Variants in PCBP3 observed in about 807,000 individuals in gnomAD.
PCBP3 encodes poly(rC) binding protein 3.
A neutral mutation model predicts 52.7 loss-of-function variants in PCBP3; 25 were observed. That is an observed-to-expected ratio of 0.47 (90% CI 0.35 to 0.66). PCBP3 has a LOEUF of 0.66. PCBP3 is among the 30% of genes least tolerant of loss of function. The pLI is 0.01. For missense variants in PCBP3, 391 were observed against 490.3 expected, an observed-to-expected ratio of 0.80 and a Z score of 1.91; for synonymous variants, 162 against 183.0, an observed-to-expected ratio of 0.89 and a Z score of 0.93.
At chr21:45,711,912 C>A (rs919554582) in intron 2 of PCBP3, among the ~76,000 whole-genome samples, 1 of 152,108 alleles carries the variant, frequency 6.6e-6, no homozygotes. Context: ...ACCTAAAAAT[C>A]CCCTGTGCTT....
chr21:45,785,667 CAGT>C lies in PCBP3; in HGVS notation c.-126+30216_-126+30218del, dbSNP rs1363475959. On this transcript the variant is annotated intron_variant, in intron 4 of 17. Coordinates refer to ENST00000681687, the MANE Select transcript of PCBP3 (RefSeq NM_001384156.1). ...GCTCATTGAGAATGGGCCATGATGA[CAGT>C]GGTGGTTTTGTGGAATAGAAAAGGG... Among the ~76,000 whole-genome samples, 6 of 152,306 alleles carry C rather than the reference CAGT, an allele frequency of 3.9e-5. No homozygotes were observed. The East Asian group carries it at 9.6e-4, about 24-fold the overall frequency.
intron 6 of PCBP3, among the ~76,000 whole-genome samples, chr21:45,897,896 C>A (rs1365177889): frequency 1.3e-5 from 2 of 152,186 alleles, no homozygotes; most frequent in African/African-American, 4.8e-5. Context: ...TCCCCCAGTT[C>A]TTCCTGCCTC....
chr21:45,783,052 T>C (rs2090764724), intron 4 of PCBP3, among the ~76,000 whole-genome samples: 1 of 152,236 alleles, frequency 6.6e-6, no homozygotes, highest in Non-Finnish European at 1.5e-5. Flanking sequence ...CCATAATTGC[T>C]CTTCAAAAGC....
At chr21:45,743,345 G>T (rs1354724249) in intron 3 of PCBP3, among the ~76,000 whole-genome samples, 1 of 152,142 alleles carries the variant, frequency 6.6e-6, no homozygotes, top group Non-Finnish European at 1.5e-5. Flanking sequence ...TATGCTCCCT[G>T]TAGCTCTCTG....
chr21:45,793,692 G>A (rs945630652), intron 4 of PCBP3, among the ~76,000 whole-genome samples: 3 of 152,180 alleles, frequency 2.0e-5, no homozygotes, highest in African/African-American at 7.2e-5. Flanking sequence ...GACGGGAGGC[G>A]ATAGCCCCTG....
At chr21:45,774,803 G>A (rs1028492093) in intron 4 of PCBP3, among the ~76,000 whole-genome samples, 35 of 152,162 alleles carry the variant, frequency 2.3e-4, no homozygotes, top group African/African-American at 7.2e-4. Flanking sequence ...TCTGTTATGT[G>A]ATATATCATG....
In PCBP3 at chr21:45,940,088, C is replaced by A. The variant is rs2077297530; in HGVS notation, c.968C>A (p.Ser323Tyr). 6.2e-7 allele frequency: 1 copy of A among 1,614,046 alleles called. No individual in the cohort carries two copies. The highest frequency in any genetic ancestry group is 1.3e-5 in the African/African-American group (1 of 74,950). The stretch of plus-strand genomic sequence containing the variant: ...AAAATCAATGAAATTCGACAGATGT[C>A]TGGAGCTCAGATCAAAATCGCCAAC... ...GTKINEIRQM[S>Y]GAQIKIANAT... is the part of the protein sequence containing the mutation. Residue 323 changes from serine (S) to tyrosine (Y), a missense_variant, in exon 17 of 18, where the codon TCT becomes TAT. Coordinates refer to ENST00000681687, the MANE Select transcript of PCBP3 (RefSeq NM_001384156.1).
At chr21:45,667,184 T>A (rs1210267724) in intron 1 of PCBP3, among the ~76,000 whole-genome samples, 1 of 151,948 alleles carries the variant, frequency 6.6e-6, no homozygotes, top group African/African-American at 2.4e-5. Flanking sequence ...ATTCATTCCA[T>A]TTTTGTAGAG....
intron 2 of PCBP3, among the ~76,000 whole-genome samples, chr21:45,702,338 G>T (rs1323952708): frequency 1.3e-5 from 2 of 152,082 alleles, no homozygotes; most frequent in South Asian, 4.2e-4. Context: ...ACACATTTCT[G>T]TATACAGTGT....
At chr21:45,819,084 T>C (rs1421691377) in intron 4 of PCBP3, among the ~76,000 whole-genome samples, 1 of 152,162 alleles carries the variant, frequency 6.6e-6, no homozygotes, top group Non-Finnish European at 1.5e-5. Flanking sequence ...TAATGGTGGA[T>C]GCGTGTCATT....
chr21:45,661,317 C>G (rs1424910898), intron 1 of PCBP3, among the ~76,000 whole-genome samples: 3 of 152,110 alleles, frequency 2.0e-5, no homozygotes, highest in Non-Finnish European at 4.4e-5. Flanking sequence ...ACCCTCCCAC[C>G]TTTCCAAATA....
chr21:45,841,410 G>GGA (rs1569296435), intron 4 of PCBP3, among the ~76,000 whole-genome samples: 2 of 150,216 alleles, frequency 1.3e-5, no homozygotes. Flanking sequence ...TTTCATTTCT[G>GGA]AAAAAAAAAA....
At chr21:45,766,216 A>G (rs2089304309) in intron 4 of PCBP3, among the ~76,000 whole-genome samples, 1 of 152,128 alleles carries the variant, frequency 6.6e-6, no homozygotes, top group Non-Finnish European at 1.5e-5. Context: ...CCACGCTTTG[A>G]TGTGTTGCTG....
At chr21:45,839,979 G>A (rs370317876) in intron 4 of PCBP3, among the ~76,000 whole-genome samples, 1 of 151,588 alleles carries the variant, frequency 6.6e-6, no homozygotes, top group Non-Finnish European at 1.5e-5. Context: ...GAGCCACCAC[G>A]CCTACCCCTG....
In PCBP3 at chr21:45,784,415, G is replaced by A. The variant is rs992724165; in HGVS notation, c.-126+28963G>A. ...CTCTACCGCTACCTCTACCGCTACCGCTACCCCTACCTCCTACCTCCTACC... is the reference window on the plus strand; with the variant it reads ...CTCTACCGCTACCTCTACCGCTACCACTACCCCTACCTCCTACCTCCTACC... On this transcript the variant is annotated intron_variant, in intron 4 of 17. Coordinates refer to ENST00000681687, the MANE Select transcript of PCBP3 (RefSeq NM_001384156.1). Among the ~76,000 whole-genome samples, 18 of 109,006 alleles carry A rather than the reference G, an allele frequency of 1.7e-4. No homozygotes were observed. In the East Asian group the frequency reaches 3.1e-3, roughly 19 times the overall value. The allele number at this position is 109,006 out of a possible 152,430, so 71.5% of individuals were successfully genotyped here.
chr21:45,708,916 A>ATG lies in PCBP3; in HGVS notation c.-199-26469_-199-26468dup, dbSNP rs556310589. Among the ~76,000 whole-genome samples the ATG allele has an allele frequency of 4.7e-4, 72 of 152,356 alleles. 1 individual carries two copies. The highest frequency in any genetic ancestry group is 6.8e-3 in the Middle Eastern group (2 of 294). On this transcript the variant is annotated intron_variant, in intron 2 of 17. Transcript: ENST00000681687. ...GGGCGAGGCCCCCACTGGCAGGCCC[A>ATG]TGTGTGTGCAGAGGCCAAGGGACCC...
chr21:45,856,005 C>T (rs2094278817), intron 5 of PCBP3, among the ~76,000 whole-genome samples: 1 of 152,188 alleles, frequency 6.6e-6, no homozygotes, highest in Non-Finnish European at 1.5e-5. Context: ...CATCACATGA[C>T]AGATAAAGTA....
intron 1 of PCBP3, among the ~76,000 whole-genome samples, chr21:45,664,540 T>C (rs1290011433): frequency 6.6e-6 from 1 of 151,860 alleles, no homozygotes; most frequent in Non-Finnish European, 1.5e-5. Context: ...ACTAAAATTA[T>C]AATAACATTA....
chr21:45,690,616 A>G lies in PCBP3; in HGVS notation c.-200+21664A>G, dbSNP rs1433940658. 2.6e-5 allele frequency among the ~76,000 whole-genome samples: 4 copies of G among 152,246 alleles called. 1 individual carries two copies. The East Asian group carries it at 5.8e-4, about 22-fold the overall frequency. ...AATATACAAAGAACTTTTGCAGCTC[A>G]ATAATAAGGAAACAACAACTCAATA... On this transcript the variant is annotated intron_variant, in intron 2 of 17. Coordinates refer to ENST00000681687, the MANE Select transcript of PCBP3 (RefSeq NM_001384156.1).
Sources: gnomAD v4.1 joint callset for allele counts (sites outside exome capture counted in the v4.1 genomes callset) on GRCh38, gnomAD v4.1.1 for gene constraint, MANE v1.5 for transcripts, NCBI Gene and HGNC (gene_info 2026-07-23, HGNC 2026-07-21) for gene names.